FAM193A: variants seen among roughly 807,000 people sequenced by gnomAD.
The protein encoded by FAM193A is protein FAM193A.
In FAM193A, 22 loss-of-function variants were observed where a neutral mutation model predicts 126.5. The ratio of observed to expected loss-of-function variants is 0.17; its 90% CI spans 0.12 to 0.25. FAM193A has a LOEUF of 0.25. Among genes scored for constraint, FAM193A ranks in the 10% least tolerant of loss-of-function variants. The pLI is 1.00. For synonymous variants in FAM193A, 761 were observed against 646.8 expected (o/e 1.18, Z -2.68); for missense variants, 1,675 against 1,672.8 (o/e 1.00, Z -0.02).
At chr4:2,718,495 G>C (rs1719781089) in intron 20 of FAM193A, among the ~76,000 whole-genome samples, 2 of 152,072 alleles carry the variant, frequency 1.3e-5, no homozygotes, top group African/African-American at 4.8e-5. Flanking sequence ...GGGAAGCCAA[G>C]ACAGGCGGAT....
chr4:2,579,196 C>G (rs1282594371), intron 1 of FAM193A, among the ~76,000 whole-genome samples: 1 of 151,888 alleles, frequency 6.6e-6, no homozygotes, highest in Non-Finnish European at 1.5e-5. Context: ...CCAGAGCGTA[C>G]CTTCAAATGA....
At chr4:2,700,784 A>C (rs1717634630) in intron 19 of FAM193A, among the ~76,000 whole-genome samples, 1 of 148,956 alleles carries the variant, frequency 6.7e-6, no homozygotes, top group African/African-American at 2.5e-5. Context: ...AACATGCTGA[A>C]ACCCTGTCTC....
intron 13 of FAM193A, among the ~76,000 whole-genome samples, chr4:2,687,272 A>G (rs976047886): frequency 6.6e-6 from 1 of 152,220 alleles, no homozygotes; most frequent in African/African-American, 2.4e-5. Flanking sequence ...TCTATATAGT[A>G]GTCTCTAAGA....
Position 2,643,284 on chromosome 4 carries a change from A to G in FAM193A, c.1164-3401A>G, listed in dbSNP as rs557663170. 9.2e-5 allele frequency among the ~76,000 whole-genome samples: 14 copies of G among 152,288 alleles called. No individual in the cohort carries two copies. The East Asian group carries it at 2.5e-3, about 27-fold the overall frequency. ...GATACGCATTTAACAATTCATAAAA[A>G]TTTTGCTACTGATTACATACAAACA... On this transcript the variant is annotated intron_variant, in intron 6 of 20. Coordinates refer to ENST00000637812, the MANE Select transcript of FAM193A (RefSeq NM_001366318.2).
chr4:2,685,586 A>G lies in FAM193A; in HGVS notation c.2332-3920A>G, dbSNP rs140363930. 2.9e-4 allele frequency among the ~76,000 whole-genome samples: 44 copies of G among 152,260 alleles called. 1 individual carries two copies. The highest frequency in any genetic ancestry group is 8.2e-4 in the African/African-American group (34 of 41,558). ...CAATCTCTGGGAGAAATACCAAAAA[A>G]CCTGTTAAGCAGAAATACAGAGAGT... On this transcript the variant is annotated intron_variant, in intron 13 of 20. Transcript: ENST00000637812.
At chr4:2,574,437 A>G (rs1739474054) in intron 1 of FAM193A, among the ~76,000 whole-genome samples, 2 of 152,174 alleles carry the variant, frequency 1.3e-5, no homozygotes, top group Admixed American at 1.3e-4. Context: ...GGCTTGGGAC[A>G]TGTTGAGTTC....
intron 17 of FAM193A, among the ~76,000 whole-genome samples, chr4:2,695,743 A>G (rs1716960027): frequency 6.6e-6 from 1 of 152,212 alleles, no homozygotes; most frequent in Non-Finnish European, 1.5e-5. Flanking sequence ...AGACACATTT[A>G]TTGACATGAA....
At chr4:2,640,049 A>T (rs1459148805) in intron 6 of FAM193A, among the ~76,000 whole-genome samples, 190 bp downstream of exon 6, 1 of 131,380 alleles carries the variant, frequency 7.6e-6, no homozygotes, top group Non-Finnish European at 1.7e-5. Flanking sequence ...CTTTTAAATG[A>T]TAAGTCAATA....
chr4:2,666,225 G>C (rs1713098523), intron 12 of FAM193A, among the ~76,000 whole-genome samples: 1 of 152,102 alleles, frequency 6.6e-6, no homozygotes, highest in Non-Finnish European at 1.5e-5. Flanking sequence ...ATTGAATATT[G>C]AATTGTTCAG....
intron 19 of FAM193A, among the ~76,000 whole-genome samples, chr4:2,709,963 T>C (rs1187245452): frequency 6.6e-6 from 1 of 152,202 alleles, no homozygotes; most frequent in Non-Finnish European, 1.5e-5. Flanking sequence ...AACTAGATTT[T>C]CAAATTTATT....
chr4:2,700,183 G>A lies in FAM193A; in HGVS notation c.4011G>A (p.Lys1337=). 1 of 1,613,752 alleles carries A rather than the reference G, an allele frequency of 6.2e-7. No homozygotes were observed. The highest frequency in any genetic ancestry group is 8.5e-7 in the Non-Finnish European group (1 of 1,179,984). Residue 1337 remains lysine (K), a synonymous_variant, in exon 19 of 21, where the codon AAG becomes AAA. Transcript: ENST00000637812. ...IMQHHKEGNG[K]QKLRQTSKAS... ...AGCACCATAAAGAAGGAAATGGCAA[G>A]CAGAAGCTGAGGCAGACCAGCAAGG...
intron 1 of FAM193A, among the ~76,000 whole-genome samples, chr4:2,539,417 T>G (rs1281589911): frequency 6.6e-6 from 1 of 152,118 alleles, no homozygotes; most frequent in Non-Finnish European, 1.5e-5. Context: ...CTAGTATGCA[T>G]CAGGGTTTTG....
rs1740279117 is a variant in FAM193A, at chr4:2,587,076, C to T, written c.256-9008C>T. The stretch of plus-strand genomic sequence containing the variant: ...GAAATTAAACTTCTGTATCTTAGTC[C>T]GTTTGTGTTGCTATAAGGAATACCT... On this transcript the variant is annotated intron_variant, in intron 1 of 20. Coordinates refer to ENST00000637812, the MANE Select transcript of FAM193A (RefSeq NM_001366318.2). Among the ~76,000 whole-genome samples, 4 of 152,038 alleles carry T rather than the reference C, an allele frequency of 2.6e-5. No homozygotes were observed. In the South Asian group the frequency reaches 8.3e-4, roughly 32 times the overall value.
chr4:2,635,545 A>G (rs2109013168), intron 5 of FAM193A, among the ~76,000 whole-genome samples: 1 of 152,290 alleles, frequency 6.6e-6, no homozygotes, highest in South Asian at 2.1e-4. Context: ...ATGTAAAAAT[A>G]ACTATTTTCC....
At chr4:2,658,141 G>A (rs1270836413) in intron 8 of FAM193A, among the ~76,000 whole-genome samples, 1 of 152,146 alleles carries the variant, frequency 6.6e-6, no homozygotes, top group African/African-American at 2.4e-5. Context: ...GCAGCTCTGG[G>A]TATTTTGCAA....
intron 2 of FAM193A, among the ~76,000 whole-genome samples, chr4:2,621,947 T>C (rs775286001): frequency 7.2e-5 from 11 of 152,204 alleles, no homozygotes; most frequent in Middle Eastern, 3.4e-3. Context: ...GGTACTCAGG[T>C]CCAGTCTACA....
At chr4:2,608,207 C>T (rs1020521678) in intron 2 of FAM193A, 22 of 1,341,096 alleles carry the variant, frequency 1.6e-5, no homozygotes, top group South Asian at 7.8e-5. Flanking sequence ...GTTTTCGAGA[C>T]GGTCGGTCTC....
intron 2 of FAM193A, among the ~76,000 whole-genome samples, chr4:2,624,578 C>T (rs1464199001): frequency 6.6e-6 from 1 of 152,236 alleles, no homozygotes; most frequent in Non-Finnish European, 1.5e-5. Context: ...CTACCATGTG[C>T]TGTCTCAGGC....
At chr4:2,722,616 G>C (rs185897950) in intron 20 of FAM193A, among the ~76,000 whole-genome samples, 3 of 152,308 alleles carry the variant, frequency 2.0e-5, no homozygotes, top group African/African-American at 7.2e-5. Flanking sequence ...GACAGGGAAA[G>C]AGAATTTGGA....
Sources: allele counts gnomAD v4.1 joint callset (sites outside exome capture counted in the v4.1 genomes callset), GRCh38; gene constraint gnomAD v4.1.1; transcripts MANE v1.5; gene names NCBI Gene and HGNC (gene_info 2026-07-23, HGNC 2026-07-21).